Variants in INTS9 observed in about 807,000 individuals in gnomAD.
The protein encoded by INTS9 is protein related to CPSF subunits of 74 kDa.
In INTS9, 55 loss-of-function variants were observed where a neutral mutation model predicts 79.7. The observed-to-expected ratio is 0.69, with a 90% confidence interval of 0.56 to 0.86. The LOEUF is 0.86. Among genes scored for constraint, INTS9 ranks in the 40% least tolerant of loss-of-function variants. INTS9 has a pLI of 0.00. For missense variants in INTS9, 721 were observed against 831.5 expected, an observed-to-expected ratio of 0.87 and a Z score of 1.64; for synonymous variants, 319 against 325.2, an observed-to-expected ratio of 0.98 and a Z score of 0.20.
intron 6 of INTS9, among the ~76,000 whole-genome samples, chr8:28,816,981 GC>G (rs1401901230): frequency 3.3e-5 from 5 of 149,286 alleles, no homozygotes; most frequent in African/African-American, 1.2e-4. Context: ...CATGTCCTTT[GC>G]CCACTTTTTG....
At chr8:28,831,730 G>C (rs1003878223) in intron 6 of INTS9, among the ~76,000 whole-genome samples, 1 of 151,970 alleles carries the variant, frequency 6.6e-6, no homozygotes, top group Non-Finnish European at 1.5e-5. Flanking sequence ...ACAGAGTCTC[G>C]CTCTGTCCCC....
chr8:28,818,896 G>A (rs1348960444), intron 6 of INTS9, among the ~76,000 whole-genome samples: 2 of 151,480 alleles, frequency 1.3e-5, no homozygotes, highest in Non-Finnish European at 1.5e-5. Flanking sequence ...TGTATGTGTC[G>A]AGGAATTTAT....
At chr8:28,820,268 C>T (rs968544331) in intron 6 of INTS9, among the ~76,000 whole-genome samples, 3 of 152,200 alleles carry the variant, frequency 2.0e-5, no homozygotes, top group African/African-American at 7.2e-5. Flanking sequence ...TACAATTTGG[C>T]ATGATTTTGC....
In INTS9 at chr8:28,846,620, C is replaced by T. The variant is rs1807529398; in HGVS notation, c.261+127G>A. 5 of 701,734 alleles carry T rather than the reference C, an allele frequency of 7.1e-6. No individual in the cohort carries two copies. In the Admixed American group the frequency reaches 7.1e-5, roughly 10 times the overall value. The allele number at this position is 701,734 out of a possible 1,614,324, so 43.5% of individuals were successfully genotyped here. A position where few individuals can be genotyped will look rare whatever the true frequency, so the allele number is the denominator to read the frequency against. On this transcript the variant is annotated intron_variant, in intron 4 of 16. Transcript: ENST00000521022. ...GACATTTTGGCTGTGTAACAATGTG[C>T]CTGGAATAACAGATTCATTTAAACT... is the stretch of plus-strand genomic sequence containing the variant.
At chr8:28,808,193 ATTTT>A (rs3054473) in intron 8 of INTS9, among the ~76,000 whole-genome samples, 7 of 130,906 alleles carry the variant, frequency 5.3e-5, no homozygotes, top group Admixed American at 7.6e-5. Flanking sequence ...CTTTATTTAG[ATTTT>A]TTTTTTTTTT....
intron 1 of INTS9, among the ~76,000 whole-genome samples, chr8:28,866,778 C>A (rs755254727): frequency 6.9e-6 from 1 of 144,960 alleles, no homozygotes; most frequent in Non-Finnish European, 1.5e-5. Flanking sequence ...AGATCGAGAC[C>A]ATCCCGGCAA....
At chr8:28,839,472 C>T (rs113326311) in intron 4 of INTS9, among the ~76,000 whole-genome samples, 14,274 of 151,888 alleles carry the variant, frequency 0.094, 805 homozygotes, top group East Asian at 0.26. Flanking sequence ...AAAAAGAGCC[C>T]GCATCGCCAA....
chr8:28,857,428 T>TA (rs1394526881), intron 2 of INTS9, among the ~76,000 whole-genome samples: 2 of 152,140 alleles, frequency 1.3e-5, no homozygotes, highest in African/African-American at 4.8e-5. Flanking sequence ...TAAGAGGTTC[T>TA]AGTGGAGTGG....
chr8:28,774,796 C>CA (rs1802772247), intron 14 of INTS9, among the ~76,000 whole-genome samples: 1 of 152,138 alleles, frequency 6.6e-6, no homozygotes. Flanking sequence ...GAAAGGAAGC[C>CA]AGAGGTAGCC....
At chr8:28,816,648 T>C (rs1219114979) in intron 6 of INTS9, among the ~76,000 whole-genome samples, 1 of 149,232 alleles carries the variant, frequency 6.7e-6, no homozygotes, top group African/African-American at 2.5e-5. Flanking sequence ...GCATGACTTA[T>C]AGTCCTTTGG....
chr8:28,843,666 C>T (rs924903421), intron 4 of INTS9, among the ~76,000 whole-genome samples: 3 of 152,040 alleles, frequency 2.0e-5, no homozygotes, highest in African/African-American at 7.2e-5. Flanking sequence ...GTTTTCATGC[C>T]TGCTGGTGTA....
intron 8 of INTS9, among the ~76,000 whole-genome samples, chr8:28,797,963 A>G (rs1400673296): frequency 6.6e-6 from 1 of 152,250 alleles, no homozygotes; most frequent in Non-Finnish European, 1.5e-5. Context: ...ATAAGCATGG[A>G]TACATGAGCT....
At chr8:28,851,393 A>G (rs1807824331) in intron 2 of INTS9, among the ~76,000 whole-genome samples, 1 of 152,034 alleles carries the variant, frequency 6.6e-6, no homozygotes, top group South Asian at 2.1e-4. Context: ...TTCAGAAAAA[A>G]GTGAGAATTG....
intron 10 of INTS9, among the ~76,000 whole-genome samples, chr8:28,792,876 G>A (rs1803994203): frequency 6.7e-6 from 1 of 148,708 alleles, no homozygotes; most frequent in African/African-American, 2.5e-5. Flanking sequence ...TTGTGCCACT[G>A]TACTCCAGCC....
At chr8:28,783,167 A>G (rs1463214731) in intron 11 of INTS9, among the ~76,000 whole-genome samples, 9 of 136,116 alleles carry the variant, frequency 6.6e-5, no homozygotes, top group African/African-American at 2.4e-4. Flanking sequence ...AAAAAAAAAA[A>G]AAGAAGCAGG....
chr8:28,775,359 T>TG (rs1379162372), intron 14 of INTS9, among the ~76,000 whole-genome samples: 1 of 152,194 alleles, frequency 6.6e-6, no homozygotes, highest in Non-Finnish European at 1.5e-5. Context: ...CATTCATACT[T>TG]GGAGTCTCAC....
intron 1 of INTS9, 131 bp from the exon 2 acceptor site, chr8:28,859,694 G>A (rs1217170704): frequency 9.9e-7 from 1 of 1,011,066 alleles, no homozygotes; most frequent in East Asian, 2.6e-5. Flanking sequence ...TTTCTATGTG[G>A]TTTCCGCCCT....
intron 4 of INTS9, among the ~76,000 whole-genome samples, chr8:28,842,828 A>G (rs559047986): frequency 1.3e-5 from 2 of 152,308 alleles, no homozygotes; most frequent in African/African-American, 2.4e-5. Context: ...GGCAGGTTCA[A>G]TGGTGTAATC....
intron 1 of INTS9, among the ~76,000 whole-genome samples, chr8:28,880,986 C>A (rs1809722952): frequency 6.6e-6 from 1 of 151,124 alleles, no homozygotes; most frequent in African/African-American, 2.4e-5. Context: ...TGCCCGGCCG[C>A]TCCGTCTGAA....
Sources: allele counts gnomAD v4.1 joint callset (sites outside exome capture counted in the v4.1 genomes callset), GRCh38; gene constraint gnomAD v4.1.1; transcripts MANE v1.5; gene names NCBI Gene and HGNC (gene_info 2026-07-23, HGNC 2026-07-21).